The following HS6ST2 variants were observed in gnomAD, a reference collection of about 807,000 sequenced individuals.
HS6ST2 encodes heparan sulfate 6-O-sulfotransferase 2.
A neutral mutation model predicts 33.0 loss-of-function variants in HS6ST2; 17 were observed. That is an observed-to-expected ratio of 0.52 (90% confidence interval 0.35 to 0.77). The LOEUF is 0.77. Among genes scored for constraint, HS6ST2 ranks in the 30% least tolerant of loss-of-function variants. The pLI is 0.01. For missense variants in HS6ST2, 519 were observed against 551.7 expected (o/e 0.94, Z 0.59); for synonymous variants, 248 against 237.1 (o/e 1.05, Z -0.42).
intron 2 of HS6ST2, among the ~76,000 whole-genome samples, chrX:132,804,567 A>G (rs1431790069): frequency 1.8e-5 from 2 of 112,377 alleles, no homozygotes; most frequent in African/African-American, 6.5e-5. Context: ...TGGGAGGCTG[A>G]GGCAGGAGGA....
intron 2 of HS6ST2, among the ~76,000 whole-genome samples, chrX:132,802,424 T>C (rs148988136): frequency 1.2e-3 from 134 of 111,882 alleles, no homozygotes; most frequent in Admixed American, 2.3e-3. Context: ...AAGTGTGTGG[T>C]CTTCTCATAC....
intron 2 of HS6ST2, among the ~76,000 whole-genome samples, chrX:132,795,020 T>C (rs1354766551): frequency 9.0e-6 from 1 of 110,512 alleles, no homozygotes; most frequent in East Asian, 2.9e-4. Flanking sequence ...CTGCAGGCAG[T>C]GGCATTCATA....
At chrX:132,772,564 A>C (rs1198971493) in intron 2 of HS6ST2, among the ~76,000 whole-genome samples, 1 of 104,328 alleles carries the variant, frequency 9.6e-6, no homozygotes, top group Admixed American at 1.1e-4. Context: ...ATTATATTGT[A>C]CACAATAAAA....
chrX:132,800,729 G>A (rs769766927), intron 2 of HS6ST2, among the ~76,000 whole-genome samples: 13 of 111,618 alleles, frequency 1.2e-4, no homozygotes, highest in Non-Finnish European at 7.5e-5. Context: ...TTCTAACTGG[G>A]TAACAGAGTT....
intron 3 of HS6ST2, among the ~76,000 whole-genome samples, chrX:132,688,925 A>C (rs1245362534): frequency 8.9e-6 from 1 of 112,490 alleles, no homozygotes; most frequent in African/African-American, 3.2e-5. Context: ...AACTGCCTTA[A>C]CTGTATGGGC....
intron 2 of HS6ST2, among the ~76,000 whole-genome samples, chrX:132,821,065 C>A (rs182244410): frequency 9.0e-6 from 1 of 110,607 alleles, no homozygotes; most frequent in Non-Finnish European, 1.9e-5. Context: ...CATCACCTCC[C>A]CCCACCATAA....
chrX:132,801,494 A>G (rs1051365369), intron 2 of HS6ST2, among the ~76,000 whole-genome samples: 2 of 111,677 alleles, frequency 1.8e-5, no homozygotes, highest in Non-Finnish European at 3.8e-5. Flanking sequence ...TGAAAAGAAG[A>G]CTTGGCAGGA....
intron 2 of HS6ST2, among the ~76,000 whole-genome samples, chrX:132,794,953 G>A (rs981572830): frequency 1.8e-5 from 2 of 110,435 alleles, no homozygotes; most frequent in Admixed American, 2.0e-4. Context: ...GTATGCATGG[G>A]TCTTTGTCCT....
intron 4 of HS6ST2, among the ~76,000 whole-genome samples, chrX:132,643,045 T>A (rs1232454366): frequency 8.9e-6 from 1 of 112,002 alleles, no homozygotes; most frequent in Non-Finnish European, 1.9e-5. Flanking sequence ...CACTGCAATG[T>A]CCTGAATCCT....
chrX:132,692,697 C>A (rs1323141165), intron 3 of HS6ST2, among the ~76,000 whole-genome samples: 2 of 111,908 alleles, frequency 1.8e-5, no homozygotes, highest in Non-Finnish European at 3.8e-5. Flanking sequence ...TCTTTGAAAA[C>A]CCACATCTGC....
chrX:132,779,685 C>T (rs2065001076), intron 2 of HS6ST2, among the ~76,000 whole-genome samples: 1 of 109,044 alleles, frequency 9.2e-6, no homozygotes, highest in African/African-American at 3.5e-5. Context: ...CCTGCCACGT[C>T]CAGAACACAT....
chrX:132,956,614 C>T (rs2067074599), intron 2 of HS6ST2, among the ~76,000 whole-genome samples, 194 bp downstream of exon 2: 1 of 112,760 alleles, frequency 8.9e-6, no homozygotes, highest in African/African-American at 3.2e-5. Flanking sequence ...CAGTCCGGGG[C>T]CGGAGCGGAA....
intron 2 of HS6ST2, among the ~76,000 whole-genome samples, chrX:132,866,233 G>C (rs1429446858): frequency 9.0e-6 from 1 of 111,672 alleles, no homozygotes; most frequent in Non-Finnish European, 1.9e-5. Flanking sequence ...TTATTAAATA[G>C]GGAATCCTTT....
chrX:132,815,134 A>G (rs192722544), intron 2 of HS6ST2, among the ~76,000 whole-genome samples: 356 of 112,337 alleles, frequency 3.2e-3, no homozygotes, highest in African/African-American at 0.011. Flanking sequence ...ACACTCAAAA[A>G]TATATGTTGG....
At chrX:132,854,480 C>T (rs1407257557) in intron 2 of HS6ST2, among the ~76,000 whole-genome samples, 1 of 112,471 alleles carries the variant, frequency 8.9e-6, no homozygotes, top group Non-Finnish European at 1.9e-5. Context: ...AGACAATAAT[C>T]TCTGCCCTGC....
chrX:132,776,588 T>A (rs2064960804), intron 2 of HS6ST2, among the ~76,000 whole-genome samples: 1 of 110,787 alleles, frequency 9.0e-6, no homozygotes, highest in African/African-American at 3.3e-5. Flanking sequence ...CCCCCATCCA[T>A]CCTCACTCCA....
chrX:132,679,729 C>T (rs779374251), intron 3 of HS6ST2, among the ~76,000 whole-genome samples: 17 of 108,311 alleles, frequency 1.6e-4, no homozygotes, highest in Non-Finnish European at 2.9e-4. Context: ...CCTACAGCCT[C>T]GACCATAGAA....
At chrX:132,898,808 G>A (rs1206211688) in intron 2 of HS6ST2, among the ~76,000 whole-genome samples, 2 of 111,315 alleles carry the variant, frequency 1.8e-5, no homozygotes, top group Non-Finnish European at 3.8e-5. Flanking sequence ...GAGCTACATA[G>A]GAGAGAGCTC....
At chrX:132,748,627 G>A (rs1234089970) in intron 2 of HS6ST2, among the ~76,000 whole-genome samples, 1 of 111,121 alleles carries the variant, frequency 9.0e-6, no homozygotes, top group Non-Finnish European at 1.9e-5. Context: ...TTTTGAGACG[G>A]GGTCTCACTC....
Sources: gnomAD v4.1 joint callset for allele counts (sites outside exome capture counted in the v4.1 genomes callset) on GRCh38, gnomAD v4.1.1 for gene constraint, MANE v1.5 for transcripts, NCBI Gene and HGNC (gene_info 2026-07-23, HGNC 2026-07-21) for gene names.